Variants in FER1L6 observed in about 807,000 individuals in gnomAD.
The protein encoded by FER1L6 is fer-1 like family member 6, also known as fer-1-like protein 6.
Under a neutral mutation model 219.2 loss-of-function variants are expected in FER1L6, and 177 were observed. The observed-to-expected ratio is 0.81, with a 90% CI of 0.71 to 0.91. The LOEUF (loss-of-function observed/expected upper bound fraction) is 0.91, where lower values mean the gene tolerates loss of function less well. FER1L6 is among the 40% of genes least tolerant of loss of function. The pLI is 0.00. For missense variants in FER1L6, 2,153 were observed against 2,259.9 expected (o/e 0.95, Z 0.96); for synonymous variants, 768 against 824.3 (o/e 0.93, Z 1.17).
At chr8:123,866,828 A>C (rs1336378435) in intron 1 of FER1L6, among the ~76,000 whole-genome samples, 1 of 152,160 alleles carries the variant, frequency 6.6e-6, no homozygotes, top group African/African-American at 2.4e-5. Flanking sequence ...TTTATTGCCC[A>C]GGCTGATCTC....
chr8:123,920,260 C>G (rs1221669351), intron 1 of FER1L6, among the ~76,000 whole-genome samples: 4 of 152,164 alleles, frequency 2.6e-5, no homozygotes, highest in Admixed American at 6.5e-5. Flanking sequence ...AGGACTCTTG[C>G]AAGACAATCA....
intron 15 of FER1L6, 188 bp downstream of exon 15, chr8:124,013,719 A>C (rs1359709287): frequency 2.6e-6 from 1 of 386,966 alleles, no homozygotes; most frequent in African/African-American, 2.1e-5. Flanking sequence ...CACTGTAACA[A>C]CTCAAACATA....
chr8:123,967,997 A>G (rs1815635969), intron 5 of FER1L6, among the ~76,000 whole-genome samples: 1 of 152,106 alleles, frequency 6.6e-6, no homozygotes, highest in African/African-American at 2.4e-5. Context: ...GAGAATGGTC[A>G]TTTAAAAGGA....
chr8:123,856,349 T>TATATATATATA (rs71289618), intron 1 of FER1L6, among the ~76,000 whole-genome samples: 71 of 134,492 alleles, frequency 5.3e-4, no homozygotes, highest in African/African-American at 8.3e-4. Flanking sequence ...TATATATATA[T>TATATATATATA]TAGGGTCCAG....
intron 39 of FER1L6, among the ~76,000 whole-genome samples, chr8:124,112,228 G>C (rs1382545405): frequency 6.6e-6 from 1 of 152,138 alleles, no homozygotes; most frequent in Admixed American, 6.5e-5. Context: ...TCTGGTTTTA[G>C]TTGCTGGCAG....
intron 35 of FER1L6, among the ~76,000 whole-genome samples, chr8:124,096,079 T>C (rs1249185554): frequency 6.6e-6 from 1 of 152,192 alleles, no homozygotes; most frequent in African/African-American, 2.4e-5. Context: ...CCCAGAGTTA[T>C]TGGGATATAG....
chr8:123,954,801 T>G (rs893650157), intron 1 of FER1L6, among the ~76,000 whole-genome samples: 1 of 152,170 alleles, frequency 6.6e-6, no homozygotes, highest in Admixed American at 6.5e-5. Flanking sequence ...TGGGAGACTG[T>G]GATTGTTCCG....
At chr8:123,916,599 C>A (rs1813197942) in intron 1 of FER1L6, among the ~76,000 whole-genome samples, 1 of 152,150 alleles carries the variant, frequency 6.6e-6, no homozygotes, top group Admixed American at 6.5e-5. Context: ...GGAGTAAGCG[C>A]TCTGCTTTGA....
At chr8:123,963,167 A>T in intron 2 of FER1L6, 111 bp from the exon 3 acceptor site, 1 of 1,384,472 alleles carries the variant, frequency 7.2e-7, no homozygotes, top group Non-Finnish European at 9.9e-7. Flanking sequence ...TCTGTCTTCT[A>T]GTCTCTTTGT....
chr8:123,880,341 C>A (rs1423505426), intron 1 of FER1L6, among the ~76,000 whole-genome samples: 1 of 152,234 alleles, frequency 6.6e-6, no homozygotes, highest in Non-Finnish European at 1.5e-5. Flanking sequence ...TCCACAGGAA[C>A]TGGCTTTATC....
chr8:123,898,647 A>ATATATATATATATGTATATATATACGTG (rs1247401785), intron 1 of FER1L6, among the ~76,000 whole-genome samples: 1 of 144,362 alleles, frequency 6.9e-6, no homozygotes, highest in African/African-American at 2.6e-5. Flanking sequence ...TCCATTTTAT[A>ATATATATATATATGTATATATATACGTG]TATATATATA....
rs184828643 is a variant in FER1L6 at position 124,075,081 on chromosome 8, A to T, written c.4093-1117A>T. On this transcript the variant is annotated intron_variant, in intron 31 of 40. Transcript: ENST00000522917. The stretch of plus-strand genomic sequence containing the variant: ...GTCTGCTACTGTGGAGTTTAGAAAC[A>T]CTGTACACTTAGGCTACACTAAATT... Among the ~76,000 whole-genome samples the T allele has an allele frequency of 7.0e-4, 107 of 152,324 alleles. 1 individual carries two copies. Among genetic ancestry groups the T allele is most frequent in the Admixed American group, 2.9e-3 (45 of 15,300 alleles).
At chr8:124,106,358 A>AAAAC (rs1563803955) in intron 39 of FER1L6, among the ~76,000 whole-genome samples, 8 of 132,110 alleles carry the variant, frequency 6.1e-5, no homozygotes, top group African/African-American at 2.3e-4. Flanking sequence ...AAAAAAAAAA[A>AAAAC]AAACAGAGTG....
At chr8:123,968,585 T>G (rs1475362030) in intron 5 of FER1L6, among the ~76,000 whole-genome samples, 1 of 152,218 alleles carries the variant, frequency 6.6e-6, no homozygotes, top group Non-Finnish European at 1.5e-5. Context: ...ATTCAGAGAA[T>G]GAAGAATGTT....
At chr8:123,950,655 T>C (rs1315851411) in intron 1 of FER1L6, among the ~76,000 whole-genome samples, 1 of 152,214 alleles carries the variant, frequency 6.6e-6, no homozygotes. Context: ...AATCACTGTT[T>C]GTTGAGTTGT....
chr8:123,942,574 C>T (rs1814283049), intron 1 of FER1L6, among the ~76,000 whole-genome samples: 1 of 152,216 alleles, frequency 6.6e-6, no homozygotes, highest in African/African-American at 2.4e-5. Flanking sequence ...TTCCTTGGCT[C>T]TTCCAGCTTC....
intron 37 of FER1L6, among the ~76,000 whole-genome samples, chr8:124,100,622 G>A (rs961578549): frequency 6.6e-6 from 1 of 152,130 alleles, no homozygotes; most frequent in African/African-American, 2.4e-5. Flanking sequence ...ATAGTCTGAT[G>A]GCATAGGTCT....
In FER1L6 at chr8:124,039,970, CAA is replaced by C. The variant is rs778120923; in HGVS notation, c.2555_2556del (p.Lys852SerfsTer29). ...DSNGLSDPFAKVTFLSHCQTT... is the reference protein window; with the variant it reads ...DSNGLSDPFAXVTFLSHCQTT... The stretch of plus-strand genomic sequence containing the variant: ...GCAATGGACTTTCAGACCCTTTTGC[CAA>C]AGTCACGTTCCTTTCTCACTGCCAG... On this transcript the variant is annotated frameshift_variant, in exon 20 of 41. Transcript: ENST00000522917. LOFTEE classifies it high-confidence loss of function. 1.5e-5 allele frequency: 24 copies of C among 1,613,984 alleles called. No homozygotes were observed. In the Admixed American group the frequency reaches 4.0e-4, roughly 27 times the overall value.
intron 2 of FER1L6, among the ~76,000 whole-genome samples, chr8:123,960,633 C>A (rs1340297459): frequency 6.6e-6 from 1 of 152,104 alleles, no homozygotes; most frequent in Non-Finnish European, 1.5e-5. Context: ...AAATCACAGG[C>A]CCCACTCCTT....
Sources: allele counts gnomAD v4.1 joint callset (sites outside exome capture counted in the v4.1 genomes callset), GRCh38; gene constraint gnomAD v4.1.1; transcripts MANE v1.5; gene names NCBI Gene and HGNC (gene_info 2026-07-23, HGNC 2026-07-21).